The following ERBIN variants were observed in gnomAD, a reference collection of about 807,000 sequenced individuals.
The protein encoded by ERBIN is densin-180-like protein.
Under a neutral mutation model 158.4 loss-of-function variants are expected in ERBIN, and 60 were observed. The observed-to-expected ratio is 0.38, with a 90% confidence interval of 0.31 to 0.47. ERBIN has a LOEUF of 0.47. Among genes scored for constraint, ERBIN ranks in the 20% least tolerant of loss-of-function variants. ERBIN has a pLI of 0.99. For synonymous variants in ERBIN, 594 were observed against 557.2 expected, an observed-to-expected ratio of 1.07 and a Z score of -0.93; for missense variants, 1,610 against 1,648.0, an observed-to-expected ratio of 0.98 and a Z score of 0.40.
At chr5:66,027,250 C>T (rs1218137369) in intron 13 of ERBIN, among the ~76,000 whole-genome samples, 2 of 151,986 alleles carry the variant, frequency 1.3e-5, no homozygotes, top group African/African-American at 4.8e-5. Context: ...ACTCAATTTT[C>T]TGACTAATTA....
At position 66,050,866 on chromosome 5, in the gene ERBIN, C is replaced by T. The variant is rs1013321055; in HGVS notation, c.1987C>T (p.Arg663Trp). The T allele has an allele frequency of 1.0e-5, 16 of 1,602,466 alleles. No homozygotes were observed. Among genetic ancestry groups the T allele is most frequent in the African/African-American group, 1.4e-5 (1 of 73,816 alleles). The change falls in exon 20 of 26, where the codon CGG becomes TGG. Residue 663 changes from arginine to tryptophan, a missense_variant. Around this residue, in one of 2 missense-constraint regions of ERBIN, gnomAD observed 1,014 missense variants for 936.1 expected, o/e 1.08. Coordinates refer to ENST00000284037, the MANE Select transcript of ERBIN (RefSeq NM_001253697.2). ...TAACAGCAATTGTTCTTCTCCATCT[C>T]GGATGTCTGATTCAGTTTCTCTTAA... ...QNNSNCSSPSRMSDSVSLNTD... is the reference protein window; with the variant it reads ...QNNSNCSSPSWMSDSVSLNTD...
Position 66,054,286 on chromosome 5 carries a change from A to T in ERBIN, c.2968A>T (p.Thr990Ser). The change falls in exon 21 of 26, where the codon ACT (threonine) becomes TCT (serine). Residue 990 changes from threonine (T) to serine (S), a missense_variant. Thr to Ser is a moderately conservative substitution (Grantham distance 58). This residue lies in a region of ERBIN where 1,014 missense variants were observed against 936.1 expected (regional missense o/e 1.08). Transcript: ENST00000284037. ...CAGTAGCAGTGCTGCAGTCAAAGACACTTTGTGGCACTCCAAACAAAATCC... is the reference window on the plus strand; with the variant it reads ...CAGTAGCAGTGCTGCAGTCAAAGACTCTTTGTGGCACTCCAAACAAAATCC... ...QYSSSAAVKD[T>S]LWHSKQNPQI... The T allele has an allele frequency of 6.2e-7, 1 of 1,614,194 alleles. No individual in the cohort carries two copies. The highest frequency in any genetic ancestry group is 8.5e-7 in the Non-Finnish European group (1 of 1,180,024).
At chr5:65,984,168 G>C (rs998178616) in intron 1 of ERBIN, among the ~76,000 whole-genome samples, 1 of 143,114 alleles carries the variant, frequency 7.0e-6, no homozygotes, top group Non-Finnish European at 1.5e-5. Flanking sequence ...ATGTCTCTTC[G>C]GGCCCCCTCA....
intron 21 of ERBIN, among the ~76,000 whole-genome samples, chr5:66,061,042 CT>C (rs1440958757): frequency 6.6e-6 from 1 of 152,100 alleles, no homozygotes; most frequent in Non-Finnish European, 1.5e-5. Context: ...GTGGAGAGTT[CT>C]GTAGATGTCT....
chr5:66,000,479 G>A (rs1752911345), intron 4 of ERBIN, among the ~76,000 whole-genome samples: 1 of 152,006 alleles, frequency 6.6e-6, no homozygotes, highest in Non-Finnish European at 1.5e-5. Flanking sequence ...CTACTATATT[G>A]AAAACTTTTA....
At chr5:65,979,285 TGTG>T (rs34353739) in intron 1 of ERBIN, among the ~76,000 whole-genome samples, 106,177 of 151,390 alleles carry the variant, frequency 0.7, 39,469 homozygotes, top group Non-Finnish European at 0.84. Flanking sequence ...AACTGCTGAC[TGTG>T]GTGGTGGTGC....
rs756461889 is a variant in ERBIN at position 66,050,900 on chromosome 5, G to A, written c.2021G>A (p.Ser674Asn). ...MSDSVSLNTD[S>N]SQDTSLCSPV... Reference sequence around the variant, plus strand: ...GATTCAGTTTCTCTTAATACTGATAGTAGTCAAGACACCTCACTCTGCTCT... The same window carrying A: ...GATTCAGTTTCTCTTAATACTGATAATAGTCAAGACACCTCACTCTGCTCT... Residue 674 changes from serine to asparagine, a missense_variant, in exon 20 of 26, where the codon AGT becomes AAT. Ser to Asn is a conservative substitution (Grantham distance 46). Transcript: ENST00000284037. 1 of 1,606,048 alleles carries A rather than the reference G, an allele frequency of 6.2e-7. No individual in the cohort carries two copies. Among genetic ancestry groups the A allele is most frequent in the Non-Finnish European group, 8.5e-7 (1 of 1,177,138 alleles).
chr5:66,024,545 T>C, intron 10 of ERBIN, 95 bp downstream of exon 10: 2 of 1,209,338 alleles, frequency 1.7e-6, no homozygotes, highest in Non-Finnish European at 2.3e-6. Context: ...GTAGTTATAC[T>C]TCGTTACCAC....
chr5:65,975,634 A>G (rs77308495), intron 1 of ERBIN, among the ~76,000 whole-genome samples: 3,210 of 152,266 alleles, frequency 0.021, 121 homozygotes, highest in African/African-American at 0.072. Flanking sequence ...AGATGTTTTA[A>G]GAACTGTTTT....
At chr5:65,995,562 A>G (rs1344760434) in intron 4 of ERBIN, among the ~76,000 whole-genome samples, 3 of 152,110 alleles carry the variant, frequency 2.0e-5, no homozygotes, top group African/African-American at 7.2e-5. Flanking sequence ...TATCTTGGCT[A>G]TTGTGAATAG....
chr5:66,051,601 G>C (rs1274554502), intron 20 of ERBIN, among the ~76,000 whole-genome samples: 1 of 152,150 alleles, frequency 6.6e-6, no homozygotes, highest in Non-Finnish European at 1.5e-5. Context: ...GAAAGATGGG[G>C]ATTGGCTGGG....
chr5:66,033,039 A>G (rs1315250913), intron 14 of ERBIN, among the ~76,000 whole-genome samples: 1 of 152,218 alleles, frequency 6.6e-6, no homozygotes, highest in Non-Finnish European at 1.5e-5. Flanking sequence ...GCTGGTGACC[A>G]TGAACCTCCT....
At chr5:65,962,520 A>G (rs1307904227) in intron 1 of ERBIN, among the ~76,000 whole-genome samples, 1 of 152,168 alleles carries the variant, frequency 6.6e-6, no homozygotes, top group East Asian at 1.9e-4. Flanking sequence ...TTTTACTATA[A>G]CATAGTGTGT....
At chr5:65,954,352 T>C (rs1392303552) in intron 1 of ERBIN, among the ~76,000 whole-genome samples, 1 of 152,180 alleles carries the variant, frequency 6.6e-6, no homozygotes, top group Non-Finnish European at 1.5e-5. Context: ...CTTTTTAGTC[T>C]ATGCATTGAC....
rs552177854 is a variant in ERBIN, at chr5:66,068,913, A to T, written c.3634-3256A>T. On this transcript the variant is annotated intron_variant, in intron 21 of 25. Transcript: ENST00000284037. ...AAGGTCCTTTAATTCCAATTTTACTACTGTAAGCAGTTTTCACTGTGGCAG... is the reference window on the plus strand; with the variant it reads ...AAGGTCCTTTAATTCCAATTTTACTTCTGTAAGCAGTTTTCACTGTGGCAG... 2.3e-5 allele frequency: 36 copies of T among 1,535,674 alleles called. No individual in the cohort carries two copies. The highest frequency in any genetic ancestry group is 3.1e-5 in the Non-Finnish European group (35 of 1,146,702).
chr5:65,948,584 A>G (rs114965550), intron 1 of ERBIN, among the ~76,000 whole-genome samples: 17 of 152,096 alleles, frequency 1.1e-4, no homozygotes, highest in African/African-American at 3.9e-4. Context: ...ACAATGGTAG[A>G]TTTTTTTGTT....
At chr5:65,955,695 T>G (rs1407039029) in intron 1 of ERBIN, among the ~76,000 whole-genome samples, 1 of 152,230 alleles carries the variant, frequency 6.6e-6, no homozygotes, top group Admixed American at 6.5e-5. Context: ...ATATCCCAGG[T>G]GATTTTGGCT....
chr5:66,046,632 A>G, intron 18 of ERBIN, 94 bp downstream of exon 18: 1 of 1,013,100 alleles, frequency 9.9e-7, no homozygotes, highest in Non-Finnish European at 1.4e-6. Flanking sequence ...ATTGTAGAAA[A>G]TATGTTAATG....
chr5:66,069,081 G>A (rs184658208), intron 21 of ERBIN: 2 of 1,368,196 alleles, frequency 1.5e-6, no homozygotes, highest in African/African-American at 1.5e-5. Flanking sequence ...CAAATTTTAA[G>A]TGTTTTAATG....
Sources: allele counts gnomAD v4.1 joint callset (sites outside exome capture counted in the v4.1 genomes callset), GRCh38; gene constraint gnomAD v4.1.1; regional missense constraint gnomAD v4.1.1; transcripts MANE v1.5; gene names NCBI Gene and HGNC (gene_info 2026-07-23, HGNC 2026-07-21).